CHRM3: variants seen among roughly 807,000 people sequenced by gnomAD.
The protein encoded by CHRM3 is cholinergic receptor muscarinic 3.
Under a neutral mutation model 41.8 loss-of-function variants are expected in CHRM3, and 11 were observed. That is an observed-to-expected ratio of 0.26 (90% CI 0.17 to 0.44). The LOEUF (loss-of-function observed/expected upper bound fraction) is 0.44. Among genes scored for constraint, CHRM3 ranks in the 20% least tolerant of loss-of-function variants. The probability of loss-of-function intolerance (pLI) is 1.00; values close to 1 mark genes in which losing one functional copy is unlikely to be tolerated. For synonymous variants in CHRM3, 297 were observed against 301.4 expected, an observed-to-expected ratio of 0.99 and a Z score of 0.15; for missense variants, 571 against 745.4, an observed-to-expected ratio of 0.77 and a Z score of 2.72.
intron 1 of CHRM3, among the ~76,000 whole-genome samples, chr1:239,469,803 C>T (rs1196984157): frequency 6.6e-6 from 1 of 152,064 alleles, no homozygotes. Context: ...GTGATTCGCC[C>T]GCCTTGGCCT....
At chr1:239,559,739 A>G (rs899593808) in intron 3 of CHRM3, among the ~76,000 whole-genome samples, 2 of 152,210 alleles carry the variant, frequency 1.3e-5, no homozygotes, top group Admixed American at 6.6e-5. Context: ...AAGGATACAT[A>G]GTGCGTTAAT....
intron 3 of CHRM3, among the ~76,000 whole-genome samples, chr1:239,585,449 T>C (rs41400047): frequency 0.027 from 4,051 of 152,256 alleles, 90 homozygotes; most frequent in East Asian, 0.11. Context: ...ATGTGATGCA[T>C]GAATGGAGCA....
chr1:239,789,465 T>C lies in CHRM3; in HGVS notation c.-146-37787T>C, dbSNP rs868585894. On this transcript the variant is annotated intron_variant, in intron 5 of 6. Transcript: ENST00000676153. The stretch of plus-strand genomic sequence containing the variant: ...GTAATGTATAAAGAAGAAAGGCATA[T>C]TTGGCTCACAGTTCTGCAGGCTATA... 4.6e-5 allele frequency among the ~76,000 whole-genome samples: 7 copies of C among 152,304 alleles called. No homozygotes were observed. In the Middle Eastern group the frequency reaches 0.01, roughly 222 times the overall value.
chr1:239,883,698 G>T (rs1677836229), intron 6 of CHRM3, among the ~76,000 whole-genome samples: 1 of 152,164 alleles, frequency 6.6e-6, no homozygotes, highest in Non-Finnish European at 1.5e-5. Flanking sequence ...TTCTTGGTTT[G>T]TGTTCCACCA....
chr1:239,630,547 G>A (rs1669699081), intron 3 of CHRM3, among the ~76,000 whole-genome samples: 1 of 152,198 alleles, frequency 6.6e-6, no homozygotes. Flanking sequence ...GGTAGAAAAT[G>A]TCTATTTGTT....
intron 6 of CHRM3, among the ~76,000 whole-genome samples, chr1:239,903,364 G>A (rs946075454): frequency 1.3e-5 from 2 of 152,108 alleles, no homozygotes; most frequent in African/African-American, 4.8e-5. Context: ...AAATAACTTT[G>A]TGTTTTTAAA....
chr1:239,712,036 AT>A (rs1661856957), intron 5 of CHRM3, among the ~76,000 whole-genome samples: 1 of 152,156 alleles, frequency 6.6e-6, no homozygotes, highest in Non-Finnish European at 1.5e-5. Context: ...TAGTAAGCCC[AT>A]TCAGAAATAT....
chr1:239,893,169 G>C (rs753194322), intron 6 of CHRM3, among the ~76,000 whole-genome samples: 2 of 152,154 alleles, frequency 1.3e-5, no homozygotes, highest in African/African-American at 4.8e-5. Flanking sequence ...TATACACACA[G>C]CGAGCAGTGC....
At chr1:239,606,888 A>G (rs1302081176) in intron 3 of CHRM3, among the ~76,000 whole-genome samples, 3 of 152,156 alleles carry the variant, frequency 2.0e-5, no homozygotes, top group African/African-American at 2.4e-5. Context: ...CGTTATCACC[A>G]CATACAAACC....
At chr1:239,444,634 A>G (rs1362968839) in intron 1 of CHRM3, among the ~76,000 whole-genome samples, 1 of 152,138 alleles carries the variant, frequency 6.6e-6, no homozygotes, top group Non-Finnish European at 1.5e-5. Flanking sequence ...AATCCACTAG[A>G]TGATACAATC....
intron 1 of CHRM3, among the ~76,000 whole-genome samples, chr1:239,388,356 C>T (rs1370926012): frequency 6.6e-6 from 1 of 152,186 alleles, no homozygotes. Context: ...CAGACTTTTC[C>T]TTTCTCTCTT....
At chr1:239,442,953 C>T (rs1407797095) in intron 1 of CHRM3, among the ~76,000 whole-genome samples, 7 of 152,220 alleles carry the variant, frequency 4.6e-5, no homozygotes, top group South Asian at 2.1e-4. Context: ...TCAAGTCTGA[C>T]GTCTTAATAA....
At chr1:239,818,874 A>G (rs1671811303) in intron 5 of CHRM3, among the ~76,000 whole-genome samples, 1 of 152,176 alleles carries the variant, frequency 6.6e-6, no homozygotes, top group Non-Finnish European at 1.5e-5. Flanking sequence ...GGACTTCCTT[A>G]TGATGCATGC....
intron 3 of CHRM3, among the ~76,000 whole-genome samples, chr1:239,617,133 A>G (rs1373336255): frequency 2.0e-5 from 3 of 152,220 alleles, no homozygotes; most frequent in African/African-American, 7.2e-5. Flanking sequence ...GCATCAGAAT[A>G]TAACTGCCTT....
intron 3 of CHRM3, among the ~76,000 whole-genome samples, chr1:239,552,401 T>TTATATATGTATAGATGGTATGTATCA (rs1267756747): frequency 9.5e-5 from 14 of 147,586 alleles, no homozygotes; most frequent in African/African-American, 2.9e-4. Context: ...GTATCATATT[T>TTATATATGTATAGATGGTATGTATCA]TATATATGTA....
At chr1:239,480,661 G>A (rs986146512) in intron 1 of CHRM3, among the ~76,000 whole-genome samples, 8 of 147,750 alleles carry the variant, frequency 5.4e-5, no homozygotes, top group East Asian at 4.0e-4. Flanking sequence ...GGTTCATGCC[G>A]TTCTCCTGCT....
chr1:239,836,399 A>AG (rs1673318642), intron 6 of CHRM3, among the ~76,000 whole-genome samples: 1 of 152,132 alleles, frequency 6.6e-6, no homozygotes, highest in African/African-American at 2.4e-5. Context: ...TTTTTTTAAC[A>AG]GGCAGAATAT....
intron 5 of CHRM3, among the ~76,000 whole-genome samples, chr1:239,800,932 C>G (rs1040950876): frequency 6.6e-6 from 1 of 151,590 alleles, no homozygotes; most frequent in African/African-American, 2.4e-5. Context: ...GAGGTTTCCC[C>G]TTTCAAGTTA....
chr1:239,529,658 C>A lies in CHRM3; in HGVS notation c.-421-15983C>A, dbSNP rs1359157200. On this transcript the variant is annotated intron_variant, in intron 2 of 6. Coordinates refer to ENST00000676153, the MANE Select transcript of CHRM3 (RefSeq NM_001375978.1). The stretch of plus-strand genomic sequence containing the variant: ...AAACAAACAACAACAATAACAACAA[C>A]AAAAGCCTTGTTAATTATCTGTTAT... Among the ~76,000 whole-genome samples, 9 of 145,882 alleles carry A rather than the reference C, an allele frequency of 6.2e-5. No individual in the cohort carries two copies. In the South Asian group the frequency reaches 1.8e-3, roughly 29 times the overall value.
Sources: gnomAD v4.1 joint callset for allele counts (sites outside exome capture counted in the v4.1 genomes callset) on GRCh38, gnomAD v4.1.1 for gene constraint, MANE v1.5 for transcripts, NCBI Gene and HGNC (gene_info 2026-07-23, HGNC 2026-07-21) for gene names.